The following CNTN4 variants were observed in gnomAD, a reference collection of about 807,000 sequenced individuals.
The protein encoded by CNTN4 is contactin 4.
Under a neutral mutation model 122.5 loss-of-function variants are expected in CNTN4, and 77 were observed. The ratio of observed to expected loss-of-function variants is 0.63; its 90% CI spans 0.52 to 0.76. The LOEUF (loss-of-function observed/expected upper bound fraction) is 0.76, where lower values mean the gene tolerates loss of function less well. Among genes scored for constraint, CNTN4 ranks in the 30% least tolerant of loss-of-function variants. The probability of loss-of-function intolerance (pLI) is 0.00; values close to 1 mark genes in which losing one functional copy is unlikely to be tolerated. For synonymous variants in CNTN4, 512 were observed against 447.0 expected, an observed-to-expected ratio of 1.15 and a Z score of -1.83; for missense variants, 1,256 against 1,259.1, an observed-to-expected ratio of 1.00 and a Z score of 0.04.
At chr3:2,586,445 A>G (rs1014701652) in intron 4 of CNTN4, among the ~76,000 whole-genome samples, 5 of 151,824 alleles carry the variant, frequency 3.3e-5, no homozygotes, top group African/African-American at 1.2e-4. Context: ...GGCACCCACC[A>G]CCACACCTGG....
intron 2 of CNTN4, among the ~76,000 whole-genome samples, chr3:2,288,245 C>T (rs531173777): frequency 7.2e-5 from 11 of 152,110 alleles, no homozygotes; most frequent in Non-Finnish European, 1.2e-4. Context: ...GCAGGTTGTA[C>T]AAGAATTATG....
intron 7 of CNTN4, among the ~76,000 whole-genome samples, chr3:2,820,957 CTT>C (rs1435679583): frequency 1.4e-5 from 1 of 70,624 alleles, no homozygotes; most frequent in Non-Finnish European, 3.0e-5. Flanking sequence ...AACATTTTCT[CTT>C]TCTTTTTTTT....
chr3:3,006,035 A>T (rs112870894), intron 14 of CNTN4, among the ~76,000 whole-genome samples: 1 of 150,024 alleles, frequency 6.7e-6, no homozygotes, highest in Admixed American at 6.7e-5. Flanking sequence ...ACAGGCGCCC[A>T]CCCCCACGCT....
intron 4 of CNTN4, among the ~76,000 whole-genome samples, chr3:2,710,116 A>G (rs2087038475): frequency 6.6e-6 from 1 of 152,214 alleles, no homozygotes; most frequent in Non-Finnish European, 1.5e-5. Context: ...AGAACATGCT[A>G]TCTAATGAAA....
chr3:2,753,763 C>T (rs2090205938), intron 6 of CNTN4, among the ~76,000 whole-genome samples: 1 of 152,282 alleles, frequency 6.6e-6, no homozygotes, highest in East Asian at 1.9e-4. Context: ...ATAGTAAGTA[C>T]ATCCATCATA....
chr3:2,361,384 C>A (rs1441700125), intron 3 of CNTN4, among the ~76,000 whole-genome samples: 4 of 152,124 alleles, frequency 2.6e-5, no homozygotes, highest in Admixed American at 1.3e-4. Flanking sequence ...AGGATAGGTG[C>A]TATTTTGTAA....
At chr3:2,640,799 G>A (rs1251776646) in intron 4 of CNTN4, among the ~76,000 whole-genome samples, 1 of 152,184 alleles carries the variant, frequency 6.6e-6, no homozygotes, top group African/African-American at 2.4e-5. Flanking sequence ...GTAGCTGATT[G>A]ACTTTGGAAC....
At chr3:2,176,624 A>T (rs1575007412) in intron 2 of CNTN4, among the ~76,000 whole-genome samples, 1 of 152,168 alleles carries the variant, frequency 6.6e-6, no homozygotes. Context: ...GGTAATTAGT[A>T]TAACACTGCT....
intron 3 of CNTN4, among the ~76,000 whole-genome samples, chr3:2,370,516 A>G (rs1230794509): frequency 1.3e-5 from 2 of 152,104 alleles, no homozygotes; most frequent in Non-Finnish European, 2.9e-5. Context: ...ATTGCCCCCT[A>G]CTGATTTTGT....
At chr3:2,563,451 A>G (rs1046551679) in intron 3 of CNTN4, among the ~76,000 whole-genome samples, 2 of 152,206 alleles carry the variant, frequency 1.3e-5, no homozygotes, top group African/African-American at 4.8e-5. Context: ...AAACTACTAT[A>G]TAGTAAATGC....
intron 13 of CNTN4, among the ~76,000 whole-genome samples, chr3:2,928,412 G>A (rs183475692): frequency 1.6e-3 from 239 of 152,252 alleles, no homozygotes; most frequent in African/African-American, 5.5e-3. Context: ...TTAAGTGGAT[G>A]AGTGAGAAAA....
At chr3:2,629,405 A>G (rs2082330211) in intron 4 of CNTN4, 1 of 340,478 alleles carries the variant, frequency 2.9e-6, no homozygotes, top group East Asian at 8.2e-5. Flanking sequence ...TGCAGCATCT[A>G]ATTTTAAAAA....
chr3:3,040,403 T>G (rs758903109), intron 20 of CNTN4, 132 bp downstream of exon 20: 30 of 749,998 alleles, frequency 4.0e-5, no homozygotes, highest in Non-Finnish European at 6.3e-5. Flanking sequence ...AAGAGGATAA[T>G]GTAAACAATT....
intron 2 of CNTN4, among the ~76,000 whole-genome samples, chr3:2,293,719 T>A (rs2042210998): frequency 6.6e-6 from 1 of 152,238 alleles, no homozygotes; most frequent in Admixed American, 6.5e-5. Flanking sequence ...TATTTAAATG[T>A]TTTCATTTTA....
intron 3 of CNTN4, among the ~76,000 whole-genome samples, chr3:2,495,841 T>C (rs956133168): frequency 6.6e-6 from 1 of 152,128 alleles, no homozygotes; most frequent in Non-Finnish European, 1.5e-5. Flanking sequence ...GTTGAAAACA[T>C]AGGAAACTTC....
chr3:2,631,865 C>CAAAAAAAAAAAAAAAAAAA (rs1157671569), intron 4 of CNTN4, among the ~76,000 whole-genome samples: 7 of 70,158 alleles, frequency 1.0e-4, no homozygotes, highest in Admixed American at 3.5e-4. Context: ...CGTATCTCTA[C>CAAAAAAAAAAAAAAAAAAA]AAAAAAAAAA....
chr3:3,036,802 A>C (rs1191449422), intron 17 of CNTN4, among the ~76,000 whole-genome samples: 1 of 151,782 alleles, frequency 6.6e-6, no homozygotes, highest in African/African-American at 2.4e-5. Flanking sequence ...AAAAGAAAAG[A>C]AAAAAAGAAT....
At chr3:2,575,477 C>T (rs904721384) in intron 4 of CNTN4, among the ~76,000 whole-genome samples, 2 of 152,124 alleles carry the variant, frequency 1.3e-5, no homozygotes, top group Non-Finnish European at 2.9e-5. Context: ...TACTACTGCA[C>T]TCCAGCCTGG....
chr3:2,358,353 C>G lies in CNTN4; in HGVS notation c.-89+19120C>G, dbSNP rs546638318. ...TGAAATGACAGCATATTTAAAAGCACTTAACCAGTGCTTGGCATAGGAAGC... is the reference window on the plus strand; with the variant it reads ...TGAAATGACAGCATATTTAAAAGCAGTTAACCAGTGCTTGGCATAGGAAGC... On this transcript the variant is annotated intron_variant, in intron 3 of 24. Coordinates refer to ENST00000418658, the MANE Select transcript of CNTN4 (RefSeq NM_175607.3). Among the ~76,000 whole-genome samples the G allele has an allele frequency of 2.4e-4, 36 of 152,140 alleles. No individual in the cohort carries two copies. The South Asian group carries it at 4.8e-3, about 20-fold the overall frequency.
Sources: allele counts gnomAD v4.1 joint callset (sites outside exome capture counted in the v4.1 genomes callset), GRCh38; gene constraint gnomAD v4.1.1; transcripts MANE v1.5; gene names NCBI Gene and HGNC (gene_info 2026-07-23, HGNC 2026-07-21).